The following NELL1 variants were observed in gnomAD, a reference collection of about 807,000 sequenced individuals.
The protein encoded by NELL1 is neural EGFL like 1.
NELL1 carries 76 observed loss-of-function variants against 107.4 expected under a neutral mutation model. That is an observed-to-expected ratio of 0.71 (90% confidence interval 0.59 to 0.86). The LOEUF is 0.86. NELL1 is among the 40% of genes least tolerant of loss of function. The probability of loss-of-function intolerance (pLI) is 0.00; values close to 1 mark genes in which losing one functional copy is unlikely to be tolerated. For synonymous variants in NELL1, 353 were observed against 341.2 expected (o/e 1.03, Z -0.38); for missense variants, 1,024 against 1,005.5 (o/e 1.02, Z -0.25).
chr11:20,934,368 C>A (rs949219081), intron 9 of NELL1, among the ~76,000 whole-genome samples: 4 of 152,164 alleles, frequency 2.6e-5, no homozygotes, highest in African/African-American at 9.7e-5. Flanking sequence ...TCACCAGCAC[C>A]AAAGCACCCT....
At chr11:21,155,053 C>T (rs1258999341) in intron 13 of NELL1, among the ~76,000 whole-genome samples, 1 of 152,058 alleles carries the variant, frequency 6.6e-6, no homozygotes, top group East Asian at 1.9e-4. Context: ...GGTCTGAAGA[C>T]AGTGAAGAAA....
At chr11:21,428,114 C>T (rs974743526) in intron 15 of NELL1, among the ~76,000 whole-genome samples, 2 of 151,972 alleles carry the variant, frequency 1.3e-5, no homozygotes, top group Non-Finnish European at 2.9e-5. Context: ...TCAGAGAACA[C>T]GTAGGGAATG....
chr11:20,999,868 T>C (rs373240380), intron 12 of NELL1, among the ~76,000 whole-genome samples: 3 of 152,306 alleles, frequency 2.0e-5, no homozygotes, highest in Non-Finnish European at 4.4e-5. Context: ...TTCTTCATTA[T>C]GGTGTTAAAG....
intron 4 of NELL1, among the ~76,000 whole-genome samples, chr11:20,856,322 A>G (rs1240676347): frequency 1.3e-5 from 2 of 152,188 alleles, no homozygotes; most frequent in Non-Finnish European, 2.9e-5. Context: ...ATTGGCAATT[A>G]GAGTGGAAAT....
chr11:21,276,405 G>A (rs1273670957), intron 14 of NELL1, among the ~76,000 whole-genome samples: 7 of 152,058 alleles, frequency 4.6e-5, no homozygotes, highest in Non-Finnish European at 7.4e-5. Flanking sequence ...AGAGGATACA[G>A]AGAAATGGAA....
chr11:20,806,473 C>A (rs1326588197), intron 3 of NELL1, among the ~76,000 whole-genome samples: 1 of 151,958 alleles, frequency 6.6e-6, no homozygotes, highest in Non-Finnish European at 1.5e-5. Context: ...TTTCTTTATC[C>A]TTGACCTTTG....
chr11:20,966,672 T>G (rs1851392944), intron 12 of NELL1, among the ~76,000 whole-genome samples: 1 of 152,068 alleles, frequency 6.6e-6, no homozygotes, highest in Non-Finnish European at 1.5e-5. Context: ...TCTGGATAAC[T>G]AACATGTCAT....
At chr11:21,444,730 A>G (rs1283275326) in intron 15 of NELL1, among the ~76,000 whole-genome samples, 1 of 152,120 alleles carries the variant, frequency 6.6e-6, no homozygotes, top group Non-Finnish European at 1.5e-5. Flanking sequence ...TTTGTTACAA[A>G]TTATCCAATT....
intron 12 of NELL1, among the ~76,000 whole-genome samples, chr11:21,058,788 A>G (rs956382638): frequency 1.3e-5 from 2 of 152,148 alleles, no homozygotes; most frequent in Admixed American, 1.3e-4. Flanking sequence ...GTGACATCTA[A>G]TTTTGATGAG....
chr11:20,881,096 A>G (rs1209235361), intron 4 of NELL1, among the ~76,000 whole-genome samples: 1 of 152,186 alleles, frequency 6.6e-6, no homozygotes, highest in East Asian at 1.9e-4. Flanking sequence ...CTTGCCTTCA[A>G]GCTTTGATAC....
chr11:21,221,116 A>G (rs763350108), intron 13 of NELL1, among the ~76,000 whole-genome samples: 1 of 152,146 alleles, frequency 6.6e-6, no homozygotes, highest in Non-Finnish European at 1.5e-5. Context: ...CTCTGCATCT[A>G]TTGAGATGAT....
At chr11:21,041,028 C>T (rs1038729399) in intron 12 of NELL1, among the ~76,000 whole-genome samples, 8 of 152,152 alleles carry the variant, frequency 5.3e-5, no homozygotes, top group African/African-American at 1.7e-4. Flanking sequence ...ATCTTTAATA[C>T]ATTATTTATG....
chr11:20,793,504 ACTT>A (rs1214353282), intron 3 of NELL1, among the ~76,000 whole-genome samples: 1 of 152,026 alleles, frequency 6.6e-6, no homozygotes, highest in Non-Finnish European at 1.5e-5. Flanking sequence ...ATTGATTCCT[ACTT>A]CTTACCTTAT....
intron 14 of NELL1, among the ~76,000 whole-genome samples, chr11:21,290,394 A>AATAG (rs1237948052): frequency 6.9e-5 from 6 of 87,214 alleles, no homozygotes; most frequent in African/African-American, 2.0e-4. Context: ...AAATAAAATA[A>AATAG]ATAGATAAAT....
chr11:21,460,671 C>T (rs1331789015), intron 15 of NELL1, among the ~76,000 whole-genome samples: 2 of 152,030 alleles, frequency 1.3e-5, no homozygotes, highest in East Asian at 3.9e-4. Context: ...CTTAGCCCTC[C>T]ATGGTGTAGA....
intron 14 of NELL1, among the ~76,000 whole-genome samples, chr11:21,262,992 T>G (rs912688085): frequency 2.6e-5 from 4 of 151,928 alleles, no homozygotes; most frequent in African/African-American, 9.7e-5. Flanking sequence ...CTTCGTTCAC[T>G]TTATCTTGTA....
At chr11:20,759,247 G>A (rs993803820) in intron 2 of NELL1, among the ~76,000 whole-genome samples, 8 of 152,102 alleles carry the variant, frequency 5.3e-5, no homozygotes, top group South Asian at 4.1e-4. Flanking sequence ...GGAGTATTTT[G>A]GTATTTGCTT....
intron 17 of NELL1, among the ~76,000 whole-genome samples, chr11:21,567,388 A>G (rs940578831): frequency 2.0e-5 from 3 of 148,962 alleles, no homozygotes; most frequent in Non-Finnish European, 4.4e-5. Flanking sequence ...TGTCCTGACT[A>G]GCTGGATTCT....
intron 2 of NELL1, among the ~76,000 whole-genome samples, chr11:20,705,620 C>G (rs924971863): frequency 1.4e-5 from 2 of 142,350 alleles, no homozygotes; most frequent in African/African-American, 5.4e-5. Context: ...GACTTCCTGT[C>G]TAAAACACCA....
Sources: allele counts gnomAD v4.1 joint callset (sites outside exome capture counted in the v4.1 genomes callset), GRCh38; gene constraint gnomAD v4.1.1; transcripts MANE v1.5; gene names NCBI Gene and HGNC (gene_info 2026-07-23, HGNC 2026-07-21).